The following RASAL2 variants were observed in gnomAD, a reference collection of about 807,000 sequenced individuals.
The protein encoded by RASAL2 is RAS protein activator like 2.
In RASAL2, 58 loss-of-function variants were observed where a neutral mutation model predicts 128.9. That is an observed-to-expected ratio of 0.45 (90% confidence interval 0.36 to 0.56). The LOEUF is 0.56. Ranked by LOEUF, RASAL2 falls within the 20% of genes least tolerant of loss-of-function variation. The pLI is 0.00. For synonymous variants in RASAL2, 561 were observed against 580.8 expected (o/e 0.97, Z 0.49); for missense variants, 1,360 against 1,601.6 (o/e 0.85, Z 2.57).
At chr1:178,153,680 A>G (rs1436138372) in intron 1 of RASAL2, among the ~76,000 whole-genome samples, 1 of 152,146 alleles carries the variant, frequency 6.6e-6, no homozygotes, top group Non-Finnish European at 1.5e-5. Context: ...TGAATACACC[A>G]TATTTTGCTT....
intron 1 of RASAL2, among the ~76,000 whole-genome samples, chr1:178,138,685 C>T (rs982544648): frequency 6.6e-6 from 1 of 152,070 alleles, no homozygotes; most frequent in African/African-American, 2.4e-5. Context: ...CTGTATTTTA[C>T]TATCAGTCAT....
intron 3 of RASAL2, among the ~76,000 whole-genome samples, chr1:178,338,855 A>G (rs1212993451): frequency 1.3e-5 from 2 of 152,228 alleles, no homozygotes. Flanking sequence ...TGAAAAAAGC[A>G]CATAAGTGGA....
At chr1:178,456,993 T>A in intron 13 of RASAL2, 94 bp downstream of exon 13, 1 of 1,301,326 alleles carries the variant, frequency 7.7e-7, no homozygotes, top group Non-Finnish European at 1.1e-6. Context: ...TTTACAAGTT[T>A]AAAATCATGA....
At chr1:178,222,150 T>G (rs925436018) in intron 1 of RASAL2, among the ~76,000 whole-genome samples, 1 of 152,184 alleles carries the variant, frequency 6.6e-6, no homozygotes, top group Admixed American at 6.5e-5. Flanking sequence ...GTATTTCTTG[T>G]AGATAACGTA....
chr1:178,320,564 G>A (rs944183633), intron 3 of RASAL2, among the ~76,000 whole-genome samples: 2 of 152,178 alleles, frequency 1.3e-5, no homozygotes, highest in African/African-American at 2.4e-5. Context: ...TTCCAGGTGC[G>A]TCCGTCACCC....
intron 1 of RASAL2, among the ~76,000 whole-genome samples, chr1:178,211,170 T>C (rs755231556): frequency 1.1e-4 from 17 of 152,192 alleles, no homozygotes; most frequent in Non-Finnish European, 2.2e-4. Context: ...GATACCATGC[T>C]CACTTCTCCA....
At chr1:178,450,462 T>C (rs1300301280) in intron 9 of RASAL2, among the ~76,000 whole-genome samples, 1 of 152,168 alleles carries the variant, frequency 6.6e-6, no homozygotes, top group East Asian at 1.9e-4. Context: ...TTTCCTGTTC[T>C]CTAAGCATTT....
At chr1:178,149,345 T>C (rs1660835721) in intron 1 of RASAL2, among the ~76,000 whole-genome samples, 1 of 152,142 alleles carries the variant, frequency 6.6e-6, no homozygotes, top group African/African-American at 2.4e-5. Flanking sequence ...AAGTAAAACA[T>C]AACAAAGGTA....
In RASAL2 at chr1:178,466,010, C is replaced by A. The variant is rs938002226; in HGVS notation, c.3478C>A (p.Gln1160Lys). ...TGAACGCCGCTTGCTGGTGCAGGAG[C>A]AGCAGATGCAGAAGCTGCTGCTGGA... ...EYERRLLVQE[Q>K]QMQKLLLEYK... Residue 1160 changes from glutamine (Q) to lysine (K), a missense_variant, in exon 16 of 18, where the codon CAG becomes AAG. Physicochemically the swap from Gln to Lys is moderately conservative, Grantham distance 53 (BLOSUM62 1). This residue lies in a region of RASAL2 where 741 missense variants were observed against 868.6 expected (regional missense o/e 0.85). Coordinates refer to ENST00000367649, the MANE Select transcript of RASAL2 (RefSeq NM_170692.4). The A allele has an allele frequency of 1.3e-6, 2 of 1,567,564 alleles. No homozygotes were observed. Among genetic ancestry groups the A allele is most frequent in the African/African-American group, 2.7e-5 (2 of 74,006 alleles).
chr1:178,389,970 T>C (rs1204166570), intron 3 of RASAL2, 130 bp from the exon 4 acceptor site: 2 of 587,620 alleles, frequency 3.4e-6, no homozygotes, highest in Non-Finnish European at 6.0e-6. Context: ...AGATAAATTA[T>C]GTGAGATAGA....
rs1372291219 is a variant in RASAL2 at position 178,457,759 on chromosome 1, C to G, written c.2467C>G (p.Gln823Glu). Residue 823 changes from glutamine to glutamate, a missense_variant, in exon 14 of 18, where the codon CAG becomes GAG. By Grantham distance (29) the Gln-to-Glu change is conservative. Around this residue, in one of 3 missense-constraint regions of RASAL2, gnomAD observed 741 missense variants for 868.6 expected, o/e 0.85. Transcript: ENST00000367649. ...CAGAGGGAAAACATTATTGCTGGTT[C>G]AGCAAGCCTCCTCTCAGAGCATGAC... Reference protein sequence around the residue: ...YFRGKTLLLVQQASSQSMTYS... With the variant: ...YFRGKTLLLVEQASSQSMTYS... The G allele has an allele frequency of 6.2e-7, 1 of 1,614,074 alleles. No homozygotes were observed. The highest frequency in any genetic ancestry group is 8.5e-7 in the Non-Finnish European group (1 of 1,180,034).
chr1:178,167,770 C>A (rs567140831), intron 1 of RASAL2, among the ~76,000 whole-genome samples: 10 of 151,896 alleles, frequency 6.6e-5, no homozygotes, highest in Non-Finnish European at 1.5e-4. Flanking sequence ...GGTTTGCCTG[C>A]ATGTTTTTTC....
At chr1:178,358,574 T>C (rs1366374179) in intron 3 of RASAL2, among the ~76,000 whole-genome samples, 1 of 152,152 alleles carries the variant, frequency 6.6e-6, no homozygotes, top group African/African-American at 2.4e-5. Context: ...AAATGTTCGG[T>C]ATTACTGGTA....
At chr1:178,307,587 C>G (rs778148220) in intron 3 of RASAL2, among the ~76,000 whole-genome samples, 1 of 152,106 alleles carries the variant, frequency 6.6e-6, no homozygotes, top group Non-Finnish European at 1.5e-5. Flanking sequence ...CCTACAAATT[C>G]AACTTCTTTT....
At chr1:178,349,161 C>T (rs1466461230) in intron 3 of RASAL2, among the ~76,000 whole-genome samples, 1 of 150,592 alleles carries the variant, frequency 6.6e-6, no homozygotes, top group Non-Finnish European at 1.5e-5. Flanking sequence ...TGGCTCACGC[C>T]TGTAATTCCA....
At chr1:178,283,228 G>C (rs570611685) in intron 1 of RASAL2, among the ~76,000 whole-genome samples, 1 of 152,236 alleles carries the variant, frequency 6.6e-6, no homozygotes, top group South Asian at 2.1e-4. Context: ...AGGTGTCTGA[G>C]TCACTCTGCT....
intron 17 of RASAL2, among the ~76,000 whole-genome samples, chr1:178,470,936 A>AC (rs1553240333): frequency 6.6e-6 from 1 of 151,950 alleles, no homozygotes; most frequent in Admixed American, 6.6e-5. Flanking sequence ...TCTCTATTTG[A>AC]TTTTTTTTAA....
At chr1:178,187,555 G>A (rs1662348868) in intron 1 of RASAL2, among the ~76,000 whole-genome samples, 1 of 152,058 alleles carries the variant, frequency 6.6e-6, no homozygotes, top group Middle Eastern at 3.4e-3. Flanking sequence ...CCAGTCCTGT[G>A]CTCTCTGTTG....
intron 1 of RASAL2, among the ~76,000 whole-genome samples, chr1:178,130,270 T>C (rs181083683): frequency 6.6e-6 from 1 of 152,340 alleles, no homozygotes; most frequent in East Asian, 1.9e-4. Flanking sequence ...TAATATGTGA[T>C]TGACAATTGG....
Sources: gnomAD v4.1 joint callset for allele counts (sites outside exome capture counted in the v4.1 genomes callset) on GRCh38, gnomAD v4.1.1 for gene constraint, gnomAD v4.1.1 regional missense constraint, MANE v1.5 for transcripts, NCBI Gene and HGNC (gene_info 2026-07-23, HGNC 2026-07-21) for gene names.